MYOCOS: variants seen among roughly 807,000 people sequenced by gnomAD.
The protein encoded by MYOCOS is myocilin opposite strand.
At chr1:171,615,596 A>G (rs543357248) in intron 2 of MYOCOS, among the ~76,000 whole-genome samples, 1 of 152,364 alleles carries the variant, frequency 6.6e-6, no homozygotes, top group East Asian at 1.9e-4. Flanking sequence ...CTCATAACTT[A>G]GAAACCGATG....
intron 2 of MYOCOS, among the ~76,000 whole-genome samples, chr1:171,625,170 G>T (rs1478069231): frequency 1.3e-5 from 2 of 152,128 alleles, no homozygotes; most frequent in Non-Finnish European, 1.5e-5. Context: ...TGATACCACG[G>T]GTTTAGACCG....
chr1:171,615,300 T>C (rs1035350461), intron 2 of MYOCOS, among the ~76,000 whole-genome samples: 16 of 152,256 alleles, frequency 1.1e-4, no homozygotes, highest in African/African-American at 3.6e-4. Context: ...TGATAAGAAG[T>C]GGCTGGATTC....
chr1:171,616,821 G>A (rs867375618), intron 2 of MYOCOS, among the ~76,000 whole-genome samples: 13 of 152,150 alleles, frequency 8.5e-5, no homozygotes, highest in Admixed American at 2.6e-4. Flanking sequence ...CATCCAGAGC[G>A]ACTCAGTGAG....
intron 1 of MYOCOS, among the ~76,000 whole-genome samples, chr1:171,612,545 T>C (rs998773583): frequency 6.6e-6 from 1 of 151,490 alleles, no homozygotes; most frequent in African/African-American, 2.4e-5. Context: ...CTAATGTGTG[T>C]CCAGGCATGG....
chr1:171,611,595 T>A (rs1411233260), intron 1 of MYOCOS, among the ~76,000 whole-genome samples: 1 of 152,200 alleles, frequency 6.6e-6, no homozygotes, highest in African/African-American at 2.4e-5. Flanking sequence ...GGTCTTCTGC[T>A]TAGTATCAAC....
upstream of MYOCOS, among the ~76,000 whole-genome samples, chr1:171,617,787 G>A (rs1008948840): frequency 6.6e-6 from 1 of 152,166 alleles, no homozygotes; most frequent in Non-Finnish European, 1.5e-5. Context: ...GAGAAAGATC[G>A]AACAGAGAGG....
chr1:171,602,060 A>C (rs1165134499), intron 1 of MYOCOS, among the ~76,000 whole-genome samples: 1 of 152,020 alleles, frequency 6.6e-6, no homozygotes, highest in Non-Finnish European at 1.5e-5. Context: ...AAAAAGGAAT[A>C]GTTATCTTCA....
At chr1:171,613,369 T>C (rs943208916) in intron 1 of MYOCOS, among the ~76,000 whole-genome samples, 4 of 152,162 alleles carry the variant, frequency 2.6e-5, no homozygotes, top group African/African-American at 9.7e-5. Flanking sequence ...TCAAGCCAAG[T>C]TGAGTTCTAG....
chr1:171,616,671 GTGT>G (rs1652455645), intron 2 of MYOCOS, among the ~76,000 whole-genome samples: 1 of 152,206 alleles, frequency 6.6e-6, no homozygotes, highest in South Asian at 2.1e-4. Context: ...TTATATTGAG[GTGT>G]CAAGTCAGCA....
intron 2 of MYOCOS, among the ~76,000 whole-genome samples, chr1:171,626,063 C>T (rs1391869412): frequency 6.6e-6 from 1 of 152,028 alleles, no homozygotes; most frequent in East Asian, 1.9e-4. Flanking sequence ...ATGCTGGCAT[C>T]TGGGGTATTT....
chr1:171,626,745 G>A lies in MYOCOS; in HGVS notation c.*144G>A, dbSNP rs1414840484. 2.3e-5 allele frequency: 9 copies of A among 396,310 alleles called. No individual in the cohort carries two copies. In the Admixed American group the frequency reaches 2.6e-4, roughly 12 times the overall value. The allele number at this position is 396,310 out of a possible 1,614,324, so 24.5% of individuals were successfully genotyped here. On this transcript the variant is annotated 3_prime_UTR_variant, in exon 3 of 3. Transcript: ENST00000637642. ...TCACCTAGAACCACCATAGAGCATG[G>A]TTTACCCTTGCTAATAGACTTAGTC... is the stretch of plus-strand genomic sequence containing the variant.
intron 1 of MYOCOS, among the ~76,000 whole-genome samples, chr1:171,605,935 T>C (rs1029355853): frequency 6.6e-6 from 1 of 152,230 alleles, no homozygotes; most frequent in Non-Finnish European, 1.5e-5. Context: ...AGCTCTTGAC[T>C]ACTTGCTAGC....
chr1:171,611,282 T>C (rs531223240), intron 1 of MYOCOS, among the ~76,000 whole-genome samples: 1 of 152,282 alleles, frequency 6.6e-6, no homozygotes, highest in Admixed American at 6.5e-5. Flanking sequence ...GAGGTGCTGG[T>C]GCAATATTAG....
intron 1 of MYOCOS, among the ~76,000 whole-genome samples, chr1:171,614,618 G>A (rs1652416149): frequency 6.6e-6 from 1 of 152,180 alleles, no homozygotes; most frequent in South Asian, 2.1e-4. Context: ...GCCTGGAGAG[G>A]CACTCAGCTG....
chr1:171,610,052 C>A (rs1416064670), intron 1 of MYOCOS, among the ~76,000 whole-genome samples: 1 of 152,182 alleles, frequency 6.6e-6, no homozygotes, highest in Non-Finnish European at 1.5e-5. Flanking sequence ...GGCTTCCAAG[C>A]AAGCAAGCAA....
At chr1:171,624,391 T>C (rs909693036) in intron 2 of MYOCOS, among the ~76,000 whole-genome samples, 1 of 152,020 alleles carries the variant, frequency 6.6e-6, no homozygotes, top group African/African-American at 2.4e-5. Context: ...CACCTCAGCC[T>C]CCCAAGTAGC....
chr1:171,604,252 G>A (rs181221741), intron 1 of MYOCOS: 1 of 152,230 alleles, frequency 6.6e-6, no homozygotes, highest in East Asian at 1.9e-4. Context: ...GTCCATGCAC[G>A]GCCGAAGCGT....
chr1:171,605,394 C>A (rs4916398), intron 1 of MYOCOS, among the ~76,000 whole-genome samples: 30,142 of 126,772 alleles, frequency 0.24, 3,830 homozygotes, highest in Admixed American at 0.3. Flanking sequence ...CACACACACA[C>A]AAAAAAAAAA....
intron 2 of MYOCOS, among the ~76,000 whole-genome samples, chr1:171,624,715 G>C (rs1288514560): frequency 6.6e-6 from 1 of 152,074 alleles, no homozygotes; most frequent in African/African-American, 2.4e-5. Context: ...CCAAAGTGCT[G>C]GGATTACAGG....
Sources: gnomAD v4.1 joint callset for allele counts (sites outside exome capture counted in the v4.1 genomes callset) on GRCh38, gnomAD v4.1.1 for gene constraint, MANE v1.5 for transcripts, NCBI Gene and HGNC (gene_info 2026-07-23, HGNC 2026-07-21) for gene names.